Variants in PPP3CA observed in about 807,000 individuals in gnomAD.
PPP3CA encodes the protein CAM-PRP catalytic subunit.
PPP3CA carries 14 observed loss-of-function variants against 66.5 expected under a neutral mutation model. The ratio of observed to expected loss-of-function variants is 0.21; its 90% CI spans 0.14 to 0.33. The LOEUF is 0.33. Ranked by LOEUF, PPP3CA falls within the 10% of genes least tolerant of loss-of-function variation. PPP3CA has a pLI of 1.00. For missense variants in PPP3CA, 317 were observed against 639.5 expected (o/e 0.50, Z 5.44); for synonymous variants, 232 against 226.2 (o/e 1.03, Z -0.23).
chr4:101,111,787 G>A (rs549253459), intron 2 of PPP3CA, among the ~76,000 whole-genome samples: 121 of 152,260 alleles, frequency 7.9e-4, no homozygotes, highest in African/African-American at 2.8e-3. Context: ...AATTAAATGT[G>A]TTAATATCGT....
At chr4:101,338,026 T>C (rs143209016) in intron 1 of PPP3CA, among the ~76,000 whole-genome samples, 8 of 152,328 alleles carry the variant, frequency 5.3e-5, no homozygotes, top group African/African-American at 1.9e-4. Flanking sequence ...TCTTATACAT[T>C]TTTATTCATT....
At chr4:101,330,380 C>T (rs1313747940) in intron 1 of PPP3CA, 1 of 522,288 alleles carries the variant, frequency 1.9e-6, no homozygotes, top group Non-Finnish European at 3.9e-6. Context: ...ACTTTCTTTG[C>T]TCATCCTTGA....
intron 1 of PPP3CA, among the ~76,000 whole-genome samples, chr4:101,239,334 T>C (rs906709781): frequency 6.6e-6 from 1 of 152,150 alleles, no homozygotes; most frequent in Admixed American, 6.5e-5. Context: ...CACTGTTGAT[T>C]ACTCCCTTTT....
At chr4:101,319,529 A>G (rs573376741) in intron 1 of PPP3CA, among the ~76,000 whole-genome samples, 179 of 152,270 alleles carry the variant, frequency 1.2e-3, no homozygotes, top group African/African-American at 4.2e-3. Flanking sequence ...AGCAAACTAA[A>G]AATACTCCTT....
At chr4:101,208,570 A>G (rs1236203224) in intron 1 of PPP3CA, among the ~76,000 whole-genome samples, 5 of 152,246 alleles carry the variant, frequency 3.3e-5, no homozygotes, top group Admixed American at 3.3e-4. Flanking sequence ...GTGATGGTAT[A>G]CATTCCACAT....
intron 10 of PPP3CA, among the ~76,000 whole-genome samples, chr4:101,048,953 C>T (rs532860403): frequency 2.5e-4 from 38 of 152,016 alleles, no homozygotes; most frequent in African/African-American, 8.2e-4. Flanking sequence ...AAGGGTGTAA[C>T]GGATTTTAAG....
chr4:101,298,945 AT>A (rs955128158), intron 1 of PPP3CA, among the ~76,000 whole-genome samples: 2 of 150,388 alleles, frequency 1.3e-5, no homozygotes, highest in African/African-American at 4.9e-5. Context: ...TAATTGGGCA[AT>A]TTTGTCATTG....
At chr4:101,242,001 C>T (rs978197120) in intron 1 of PPP3CA, among the ~76,000 whole-genome samples, 32 of 152,184 alleles carry the variant, frequency 2.1e-4, no homozygotes, top group African/African-American at 7.0e-4. Flanking sequence ...TATAAGATAT[C>T]AGTTTTATGG....
intron 1 of PPP3CA, among the ~76,000 whole-genome samples, chr4:101,306,674 C>G (rs1237329004): frequency 1.3e-5 from 2 of 152,122 alleles, no homozygotes; most frequent in African/African-American, 4.8e-5. Context: ...AAAAAATAAA[C>G]AAGCTGAGCT....
chr4:101,170,423 A>G (rs1723839226), intron 2 of PPP3CA, among the ~76,000 whole-genome samples: 1 of 152,200 alleles, frequency 6.6e-6, no homozygotes, highest in Admixed American at 6.6e-5. Flanking sequence ...AGTTAACTAC[A>G]TAACAGAGAG....
chr4:101,061,064 G>A (rs1279145217), intron 10 of PPP3CA, 23 bp downstream of exon 10: 1 of 1,588,074 alleles, frequency 6.3e-7, no homozygotes, highest in South Asian at 1.1e-5. Flanking sequence ...AATAGCATTA[G>A]CACAAAGGCT....
rs1318926827 is a variant in PPP3CA, at chr4:101,240,038, T to G, written c.59-43922A>C. 6.4e-3 allele frequency among the ~76,000 whole-genome samples: 541 copies of G among 84,650 alleles called. 5 individuals are homozygous for G. Among genetic ancestry groups the G allele is most frequent in the African/African-American group, 0.025 (503 of 20,226 alleles). The allele number at this position is 84,650 out of a possible 152,430, so 55.5% of individuals were successfully genotyped here. ...AGTTTTTAATTTTTTTGGTTTTTTT[T>G]TGGGGGGAGCGGGGGGGAGGTGAGG... On this transcript the variant is annotated intron_variant, in intron 1 of 13. Coordinates refer to ENST00000394854, the MANE Select transcript of PPP3CA (RefSeq NM_000944.5).
At chr4:101,342,854 A>G in intron 1 of PPP3CA, among the ~76,000 whole-genome samples, 1 of 152,186 alleles carries the variant, frequency 6.6e-6, no homozygotes, top group South Asian at 2.1e-4. Context: ...TTTCTTTTTA[A>G]GTAGTATTAT....
chr4:101,295,058 T>C (rs1728155795), intron 1 of PPP3CA, among the ~76,000 whole-genome samples: 1 of 151,574 alleles, frequency 6.6e-6, no homozygotes, highest in African/African-American at 2.4e-5. Context: ...TCCCAGCACT[T>C]TGGGAGGCCG....
At chr4:101,119,318 C>A (rs916472726) in intron 2 of PPP3CA, among the ~76,000 whole-genome samples, 1 of 151,988 alleles carries the variant, frequency 6.6e-6, no homozygotes, top group Non-Finnish European at 1.5e-5. Flanking sequence ...TTTGGTGATA[C>A]TACCAGTCTT....
chr4:101,101,735 C>G (rs781326820), intron 3 of PPP3CA, among the ~76,000 whole-genome samples: 3 of 152,100 alleles, frequency 2.0e-5, no homozygotes, highest in Non-Finnish European at 4.4e-5. Context: ...AAACCACTAC[C>G]CAGATCCAGT....
intron 1 of PPP3CA, among the ~76,000 whole-genome samples, chr4:101,248,336 G>T (rs908054686): frequency 6.6e-6 from 1 of 152,106 alleles, no homozygotes; most frequent in African/African-American, 2.4e-5. Context: ...TTTCTTGTTA[G>T]AATTAAAGAT....
At position 101,098,442 on chromosome 4, in the gene PPP3CA, G is replaced by A. The variant is rs1730295994; in HGVS notation, c.567C>T (p.Ala189=). Residue 189 remains alanine, a synonymous_variant, in exon 5 of 14, where the codon GCC becomes GCT. Transcript: ENST00000394854. ...CACACAGGAACTGTTGGTTCATCAG[G>A]GCAGCCAGGGGAAGGCAGTCAAAGG... ...MDAFDCLPLA[A]LMNQQFLCVH... is the part of the protein sequence containing the mutation. The A allele has an allele frequency of 1.9e-6, 3 of 1,612,294 alleles. No individual in the cohort carries two copies. The highest frequency in any genetic ancestry group is 1.3e-5 in the African/African-American group (1 of 74,786).
At chr4:101,256,346 C>T (rs551362669) in intron 1 of PPP3CA, among the ~76,000 whole-genome samples, 38 of 151,978 alleles carry the variant, frequency 2.5e-4, no homozygotes, top group Non-Finnish European at 4.1e-4. Context: ...TGCATAATCT[C>T]AGCTATTGTT....
Sources: allele counts gnomAD v4.1 joint callset (sites outside exome capture counted in the v4.1 genomes callset), GRCh38; gene constraint gnomAD v4.1.1; transcripts MANE v1.5; gene names NCBI Gene and HGNC (gene_info 2026-07-23, HGNC 2026-07-21).